AHI1: variants seen among roughly 807,000 people sequenced by gnomAD.
AHI1 encodes the protein Abelson helper integration site 1, also known as jouberin.
Under a neutral mutation model 149.3 loss-of-function variants are expected in AHI1, and 123 were observed. The observed-to-expected ratio is 0.82, with a 90% CI of 0.71 to 0.96. The LOEUF (loss-of-function observed/expected upper bound fraction) is 0.96. AHI1 is among the 40% of genes least tolerant of loss of function. The pLI is 0.00. For synonymous variants in AHI1, 475 were observed against 459.8 expected, an observed-to-expected ratio of 1.03 and a Z score of -0.42; for missense variants, 1,439 against 1,422.7, an observed-to-expected ratio of 1.01 and a Z score of -0.18.
At chr6:135,301,986 G>A in intron 26 of AHI1, 1 of 984,242 alleles carries the variant, frequency 1.0e-6, no homozygotes, top group South Asian at 4.7e-5. Context: ...AATGTGAAAT[G>A]TTTTATTCTT....
In AHI1 at chr6:135,318,635, A is replaced by G. The variant is rs1786340452; in HGVS notation, c.3329-19T>C. The G allele has an allele frequency of 2.0e-6, 3 of 1,530,652 alleles. No individual in the cohort carries two copies. Among genetic ancestry groups the G allele is most frequent in the Non-Finnish European group, 2.7e-6 (3 of 1,120,758 alleles). 94.8% of individuals were successfully genotyped at this position (1,530,652 alleles called of 1,614,324 possible). On this transcript the variant is annotated intron_variant, in intron 25 of 28. Coordinates refer to ENST00000265602, the MANE Select transcript of AHI1 (RefSeq NM_001134831.2). The stretch of plus-strand genomic sequence containing the variant: ...TACAGTGCTGAAATTGGAAAAAGGA[A>G]TTCATGTAATCAAATTGAGGAGCAC...
At position 135,469,570 on chromosome 6, in the gene AHI1, C is replaced by T. The variant is rs188337954; in HGVS notation, c.136-1936G>A. Among the ~76,000 whole-genome samples the T allele has an allele frequency of 5.9e-5, 9 of 152,184 alleles. No individual in the cohort carries two copies. In the East Asian group the frequency reaches 1.5e-3, roughly 26 times the overall value. On this transcript the variant is annotated intron_variant, in intron 5 of 28. Transcript: ENST00000265602. ...CTGGAGGCATCACACTACCTGACTTCGAACTATACTGGAGTAACCAAAACA... is the reference window on the plus strand; with the variant it reads ...CTGGAGGCATCACACTACCTGACTTTGAACTATACTGGAGTAACCAAAACA...
chr6:135,385,887 T>C (rs576819507), intron 23 of AHI1, among the ~76,000 whole-genome samples: 1 of 152,366 alleles, frequency 6.6e-6, no homozygotes, highest in Admixed American at 6.5e-5. Flanking sequence ...CTTTAAATTC[T>C]TTCTTAACTT....
chr6:135,390,088 T>C (rs1778265793), intron 23 of AHI1, among the ~76,000 whole-genome samples: 1 of 152,196 alleles, frequency 6.6e-6, no homozygotes, highest in Admixed American at 6.5e-5. Context: ...CCAAGACAAG[T>C]CTTCTTCCAA....
At position 135,457,690 on chromosome 6, in the gene AHI1, C is replaced by T. The variant is rs747530127; in HGVS notation, c.955G>A (p.Asp319Asn). ...KAVADNNEDV[D>N]GDGVHEITSR... Reference sequence around the variant, plus strand: ...GTTATTTCATGAACACCATCACCATCAACATCTTCATTATTATCTGCAACT... The same window carrying T: ...GTTATTTCATGAACACCATCACCATTAACATCTTCATTATTATCTGCAACT... Residue 319 changes from aspartate to asparagine, a missense_variant, in exon 9 of 29, where the codon GAT (aspartate) becomes AAT (asparagine). Physicochemically the swap from Asp to Asn is conservative, Grantham distance 23. Transcript: ENST00000265602. The T allele has an allele frequency of 5.6e-6, 9 of 1,613,718 alleles. No individual in the cohort carries two copies. Among genetic ancestry groups the T allele is most frequent in the African/African-American group, 1.3e-5 (1 of 74,900 alleles).
chr6:135,358,596 A>C (rs912945891), intron 23 of AHI1, among the ~76,000 whole-genome samples: 1 of 152,236 alleles, frequency 6.6e-6, no homozygotes, highest in Non-Finnish European at 1.5e-5. Flanking sequence ...TTATTTTCTC[A>C]AAAGAATAAA....
intron 20 of AHI1, among the ~76,000 whole-genome samples, chr6:135,426,761 A>G (rs1251572927): frequency 6.6e-6 from 1 of 151,664 alleles, no homozygotes; most frequent in Non-Finnish European, 1.5e-5. Flanking sequence ...GACACGAAAG[A>G]CATTAGATTT....
In AHI1 at chr6:135,290,913, A is replaced by AACAC. The variant is rs574033007; in HGVS notation, c.3486-392_3486-389dup. On this transcript the variant is annotated intron_variant, in intron 27 of 28. Coordinates refer to ENST00000265602, the MANE Select transcript of AHI1 (RefSeq NM_001134831.2). ...ATCAACTTAGGTGGAAACACACACA[A>AACAC]ACACACACACACACACACACACACA... Among the ~76,000 whole-genome samples the AACAC allele has an allele frequency of 8.9e-3, 1,296 of 146,242 alleles. 14 individuals carry two copies. The highest frequency in any genetic ancestry group is 0.027 in the African/African-American group (1,056 of 39,612).
chr6:135,487,707 TATACA>T (rs1336324392), intron 5 of AHI1, among the ~76,000 whole-genome samples: 2 of 152,164 alleles, frequency 1.3e-5, no homozygotes, highest in Non-Finnish European at 2.9e-5. Flanking sequence ...TATTTTGAAA[TATACA>T]ATAAATTATT....
At chr6:135,328,296 G>T (rs1390736158) in intron 24 of AHI1, among the ~76,000 whole-genome samples, 1 of 152,132 alleles carries the variant, frequency 6.6e-6, no homozygotes, top group African/African-American at 2.4e-5. Context: ...CCAACTGAAG[G>T]TTTGTGGCAA....
chr6:135,350,743 T>C (rs942208078), intron 24 of AHI1, among the ~76,000 whole-genome samples: 1 of 152,134 alleles, frequency 6.6e-6, no homozygotes, highest in African/African-American at 2.4e-5. Context: ...GGCAGAGAGA[T>C]CAAATGTTCG....
intron 11 of AHI1, among the ~76,000 whole-genome samples, chr6:135,449,963 A>G (rs1173005130): frequency 6.6e-6 from 1 of 152,226 alleles, no homozygotes; most frequent in African/African-American, 2.4e-5. Context: ...CACCAATTGA[A>G]GTGGCAGAGA....
intron 24 of AHI1, among the ~76,000 whole-genome samples, chr6:135,343,651 CA>C (rs1353288874): frequency 6.7e-6 from 1 of 149,644 alleles, no homozygotes; most frequent in African/African-American, 2.4e-5. Context: ...AAAAAAACAC[CA>C]AAAAACAAAC....
chr6:135,496,562 A>AC (rs1795991401), intron 2 of AHI1, among the ~76,000 whole-genome samples: 1 of 152,206 alleles, frequency 6.6e-6, no homozygotes, highest in African/African-American at 2.4e-5. Context: ...CTTCTCCCTC[A>AC]CAAACCCTTT....
chr6:135,452,658 A>G (rs1788307092), intron 11 of AHI1, among the ~76,000 whole-genome samples: 1 of 152,150 alleles, frequency 6.6e-6, no homozygotes. Flanking sequence ...ATAATGACTG[A>G]GAAGACCTCA....
At chr6:135,358,048 T>C in intron 24 of AHI1, 84 bp downstream of exon 24, 3 of 1,285,832 alleles carry the variant, frequency 2.3e-6, no homozygotes, top group Non-Finnish European at 3.3e-6. Flanking sequence ...TTTTAAGAGT[T>C]TTCTACAATG....
At chr6:135,387,110 T>C (rs2128474885) in intron 23 of AHI1, among the ~76,000 whole-genome samples, 1 of 152,114 alleles carries the variant, frequency 6.6e-6, no homozygotes, top group South Asian at 2.1e-4. Context: ...CTCAAACTCC[T>C]GAGCTCAAGT....
At chr6:135,496,395 G>A (rs1333944912) in intron 2 of AHI1, among the ~76,000 whole-genome samples, 1 of 152,174 alleles carries the variant, frequency 6.6e-6, no homozygotes, top group African/African-American at 2.4e-5. Context: ...TAGGATTACA[G>A]GCGTGACCCA....
At position 135,492,541 on chromosome 6, in the gene AHI1, AC is replaced by A. The variant is rs897876385; in HGVS notation, c.-54-251del. 98 of 983,098 alleles carry A rather than the reference AC, an allele frequency of 1.0e-4. No homozygotes were observed. The African/African-American group carries it at 1.1e-3, about 11-fold the overall frequency. The allele number at this position is 983,098 out of a possible 1,614,324, so 60.9% of individuals were successfully genotyped here. On this transcript the variant is annotated intron_variant, in intron 3 of 28. Coordinates refer to ENST00000265602, the MANE Select transcript of AHI1 (RefSeq NM_001134831.2). Reference sequence around the variant, plus strand: ...TATTTATATATTTGAAACAAAAAAAACATTTTGAAGGCAGTGCACATCTAAT... The same window carrying A: ...TATTTATATATTTGAAACAAAAAAAAATTTTGAAGGCAGTGCACATCTAAT...
Sources: allele counts gnomAD v4.1 joint callset (sites outside exome capture counted in the v4.1 genomes callset), GRCh38; gene constraint gnomAD v4.1.1; transcripts MANE v1.5; gene names NCBI Gene and HGNC (gene_info 2026-07-23, HGNC 2026-07-21).